MAPKAP1: variants seen among roughly 807,000 people sequenced by gnomAD.
The protein encoded by MAPKAP1 is target of rapamycin complex 2 subunit MAPKAP1.
MAPKAP1 carries 20 observed loss-of-function variants against 65.7 expected under a neutral mutation model. The ratio of observed to expected loss-of-function variants is 0.30; its 90% CI spans 0.21 to 0.44. The LOEUF (loss-of-function observed/expected upper bound fraction) is 0.44. MAPKAP1 is among the 20% of genes least tolerant of loss of function. The probability of loss-of-function intolerance (pLI) is 1.00; values close to 1 mark genes in which losing one functional copy is unlikely to be tolerated. For missense variants in MAPKAP1, 423 were observed against 648.0 expected (o/e 0.65, Z 3.77); for synonymous variants, 222 against 244.3 (o/e 0.91, Z 0.85).
chr9:125,546,932 G>A (rs1224549368), intron 6 of MAPKAP1, among the ~76,000 whole-genome samples: 1 of 152,128 alleles, frequency 6.6e-6, no homozygotes, highest in Admixed American at 6.5e-5. Flanking sequence ...GCATTCTAGG[G>A]ACACTGAGAA....
intron 4 of MAPKAP1, among the ~76,000 whole-genome samples, chr9:125,648,281 C>T (rs949711929): frequency 3.3e-5 from 5 of 152,138 alleles, no homozygotes; most frequent in Non-Finnish European, 5.9e-5. Flanking sequence ...CCCTAGATCA[C>T]TGTTCTGTTA....
chr9:125,648,802 G>A (rs746588501), intron 4 of MAPKAP1, among the ~76,000 whole-genome samples: 6 of 152,068 alleles, frequency 3.9e-5, no homozygotes, highest in Middle Eastern at 3.2e-3. Context: ...TTAGCTGGGC[G>A]TGGTGGCACG....
At chr9:125,519,271 C>T (rs753320651) in intron 7 of MAPKAP1, among the ~76,000 whole-genome samples, 4 of 152,084 alleles carry the variant, frequency 2.6e-5, no homozygotes, top group Non-Finnish European at 5.9e-5. Context: ...CAGAAGCTTC[C>T]AGTGCTGCTT....
chr9:125,470,853 T>G (rs1853890477), intron 9 of MAPKAP1, among the ~76,000 whole-genome samples: 1 of 152,216 alleles, frequency 6.6e-6, no homozygotes. Flanking sequence ...GAATCACATT[T>G]TCCCACTGAC....
chr9:125,583,833 G>A (rs746829874), intron 5 of MAPKAP1, among the ~76,000 whole-genome samples: 4 of 152,192 alleles, frequency 2.6e-5, no homozygotes, highest in Non-Finnish European at 5.9e-5. Flanking sequence ...AGAGGCCGAG[G>A]CGGGTGGATC....
chr9:125,651,708 G>A (rs1588039543), intron 4 of MAPKAP1, among the ~76,000 whole-genome samples: 1 of 152,136 alleles, frequency 6.6e-6, no homozygotes, highest in Non-Finnish European at 1.5e-5. Context: ...ATCTCATACT[G>A]GGCACTAAGC....
rs566514824 is a variant in MAPKAP1, at chr9:125,453,031, A to C, written c.1346-8433T>G. On this transcript the variant is annotated intron_variant, in intron 10 of 11. Coordinates refer to ENST00000265960, the MANE Select transcript of MAPKAP1 (RefSeq NM_001006617.3). ...ATGGAAAAACCCTTATATCTCCCCA[A>C]AGTTAAATAAGAGTGGCATTATTTA... is the stretch of plus-strand genomic sequence containing the variant. Among the ~76,000 whole-genome samples, 11 of 152,304 alleles carry C rather than the reference A, an allele frequency of 7.2e-5. No homozygotes were observed. In the South Asian group the frequency reaches 2.3e-3, roughly 32 times the overall value.
rs1022208003 is a variant in MAPKAP1, at chr9:125,679,292, G to A, written c.-69-6649C>T. Among the ~76,000 whole-genome samples, 8 of 152,128 alleles carry A rather than the reference G, an allele frequency of 5.3e-5. No homozygotes were observed. In the East Asian group the frequency reaches 5.8e-4, roughly 11 times the overall value. On this transcript the variant is annotated intron_variant, in intron 1 of 11. Transcript: ENST00000265960. ...GCTGGAATTACAGGCGTGAGCCACC[G>A]TGCCCAGCTGAACACGACTTTTTAA...
At chr9:125,687,542 AG>A (rs1835019943) in intron 1 of MAPKAP1, among the ~76,000 whole-genome samples, 2 of 152,182 alleles carry the variant, frequency 1.3e-5, no homozygotes, top group South Asian at 2.1e-4. Context: ...TTTGAGAGGC[AG>A]AGACAGAAGA....
At chr9:125,454,247 A>G (rs1853075814) in intron 10 of MAPKAP1, among the ~76,000 whole-genome samples, 1 of 152,236 alleles carries the variant, frequency 6.6e-6, no homozygotes, top group African/African-American at 2.4e-5. Flanking sequence ...ACCACACTGC[A>G]TTTCAATAAC....
chr9:125,522,335 T>C (rs1829641989), intron 7 of MAPKAP1, among the ~76,000 whole-genome samples: 2 of 152,242 alleles, frequency 1.3e-5, no homozygotes, highest in African/African-American at 4.8e-5. Flanking sequence ...GTGCTTCCAA[T>C]GACGACACTA....
intron 4 of MAPKAP1, among the ~76,000 whole-genome samples, chr9:125,598,494 T>C (rs1363659296): frequency 1.3e-5 from 2 of 152,208 alleles, no homozygotes; most frequent in African/African-American, 4.8e-5. Context: ...ACTGCCACTC[T>C]TTCTTTAACA....
In MAPKAP1 at chr9:125,678,484, C is replaced by T. The variant is rs554166822; in HGVS notation, c.-69-5841G>A. Among the ~76,000 whole-genome samples, 60 of 152,010 alleles carry T rather than the reference C, an allele frequency of 3.9e-4. No homozygotes were observed. The East Asian group carries it at 7.2e-3, about 18-fold the overall frequency. ...GCCTCGATCTCCTGACCTCGTGATC[C>T]GCCCGCCTTGGCATTCCAAAGTGCT... On this transcript the variant is annotated intron_variant, in intron 1 of 11. Transcript: ENST00000265960.
chr9:125,693,731 A>ACACATATACACATATATACACG (rs1588083363), intron 1 of MAPKAP1, among the ~76,000 whole-genome samples: 2 of 138,260 alleles, frequency 1.4e-5, no homozygotes, highest in African/African-American at 3.3e-5. Context: ...GTATATACAC[A>ACACATATACACATATATACACG]TATATACACG....
At chr9:125,596,091 G>C in intron 4 of MAPKAP1, 1 of 960,686 alleles carries the variant, frequency 1.0e-6, no homozygotes, top group Non-Finnish European at 1.7e-6. Context: ...CCGAGGCAGT[G>C]GCAAGAAAAG....
At chr9:125,462,616 G>C (rs1853540452) in intron 10 of MAPKAP1, among the ~76,000 whole-genome samples, 1 of 152,176 alleles carries the variant, frequency 6.6e-6, no homozygotes, top group Admixed American at 6.5e-5. Flanking sequence ...AGCCCTCAGG[G>C]TTTGTTTAAT....
rs540268594 is a variant in MAPKAP1, at chr9:125,491,309, T to C, written c.1067-6726A>G. On this transcript the variant is annotated intron_variant, in intron 8 of 11. Coordinates refer to ENST00000265960, the MANE Select transcript of MAPKAP1 (RefSeq NM_001006617.3). The stretch of plus-strand genomic sequence containing the variant: ...AAATACAAAAATTAGCTGGGTTTGG[T>C]GGCTCATGCCTGTACTCCCAGCTAC... Among the ~76,000 whole-genome samples the C allele has an allele frequency of 1.7e-3, 257 of 152,064 alleles. 1 individual carries two copies. The highest frequency in any genetic ancestry group is 6.0e-3 in the African/African-American group (250 of 41,482).
chr9:125,595,854 C>A lies in MAPKAP1; in HGVS notation c.499-10127G>T. ...GGGGGTTTTGGGTTTGTCACCTATG[C>A]CACTGTGGAGGAGGTGGATGCAGCC... On this transcript the variant is annotated intron_variant, in intron 4 of 11. Coordinates refer to ENST00000265960, the MANE Select transcript of MAPKAP1 (RefSeq NM_001006617.3). The surrounding 1 kb of genome is among the most constrained non-coding windows in gnomAD (Gnocchi z 4.0). 8.8e-7 allele frequency: 1 copy of A among 1,133,214 alleles called. No homozygotes were observed. The highest frequency in any genetic ancestry group is 1.7e-5 in the Admixed American group (1 of 59,418). The allele number at this position is 1,133,214 out of a possible 1,614,324, so 70.2% of individuals were successfully genotyped here.
chr9:125,563,920 C>T (rs1830971457), intron 5 of MAPKAP1, among the ~76,000 whole-genome samples: 1 of 152,170 alleles, frequency 6.6e-6, no homozygotes, highest in Admixed American at 6.5e-5. Context: ...GCCATGTTGG[C>T]CAGGCTGGTC....
Sources: allele counts gnomAD v4.1 joint callset (sites outside exome capture counted in the v4.1 genomes callset), GRCh38; gene constraint gnomAD v4.1.1; non-coding constraint Gnocchi (gnomAD v3.1); transcripts MANE v1.5; gene names NCBI Gene and HGNC (gene_info 2026-07-23, HGNC 2026-07-21).